DMXL1: variants seen among roughly 807,000 people sequenced by gnomAD.
DMXL1 encodes dmX-like protein 1.
In DMXL1, 99 loss-of-function variants were observed where a neutral mutation model predicts 319.2. The observed-to-expected ratio is 0.31, with a 90% confidence interval of 0.26 to 0.37. DMXL1 has a LOEUF of 0.37. Ranked by LOEUF, DMXL1 falls within the 10% of genes least tolerant of loss-of-function variation. The pLI, the probability that DMXL1 is intolerant of heterozygous loss-of-function variation, is 1.00. For missense variants in DMXL1, 3,745 were observed against 3,595.6 expected (o/e 1.04, Z -1.06); for synonymous variants, 1,385 against 1,235.2 (o/e 1.12, Z -2.54).
rs1031822286 is a variant in DMXL1 at position 119,144,484 on chromosome 5, A to G, written c.2467-52A>G. The G allele has an allele frequency of 1.8e-5, 23 of 1,244,768 alleles. No homozygotes were observed. In the East Asian group the frequency reaches 5.4e-4, roughly 29 times the overall value. 77.1% of individuals were successfully genotyped at this position (1,244,768 alleles called of 1,614,324 possible). A position where few individuals can be genotyped will look rare whatever the true frequency, so the allele number is the denominator to read the frequency against. ...AGTATTATTTTTCTGGCTATTTAGCATTAGGTAAATAACACATAGGTCAAC... is the reference window on the plus strand; with the variant it reads ...AGTATTATTTTTCTGGCTATTTAGCGTTAGGTAAATAACACATAGGTCAAC... On this transcript the variant is annotated intron_variant, in intron 14 of 43. Coordinates refer to ENST00000539542, the MANE Select transcript of DMXL1 (RefSeq NM_001290321.3).
intron 9 of DMXL1, among the ~76,000 whole-genome samples, chr5:119,123,919 AC>A (rs1183979584): frequency 1.3e-5 from 2 of 149,598 alleles, no homozygotes; most frequent in Non-Finnish European, 3.0e-5. Flanking sequence ...TTAATGTGAT[AC>A]TTAAATTTTT....
chr5:119,074,788 C>A (rs1337028346), intron 1 of DMXL1, among the ~76,000 whole-genome samples: 1 of 152,156 alleles, frequency 6.6e-6, no homozygotes, highest in African/African-American at 2.4e-5. Flanking sequence ...TGTATGACTT[C>A]CCACGCTTCA....
At chr5:119,129,125 A>T (rs1183490282) in intron 9 of DMXL1, 86 bp from the exon 10 acceptor site, 13 of 798,596 alleles carry the variant, frequency 1.6e-5, no homozygotes, top group Non-Finnish European at 2.0e-5. Context: ...CAAAATATAA[A>T]TGTAATAGTA....
Position 119,129,362 on chromosome 5 carries a change from A to G in DMXL1, c.1254A>G (p.Glu418=). ...VFLQQLRKSF[E]QPSSEASVED... The stretch of plus-strand genomic sequence containing the variant: ...TACAGCAACTTAGAAAAAGTTTTGA[A>G]CAACCATCTTCTGAGGCCAGTGTAG... Residue 418 remains glutamate, a synonymous_variant, in exon 10 of 44, where the codon GAA becomes GAG. Coordinates refer to ENST00000539542, the MANE Select transcript of DMXL1 (RefSeq NM_001290321.3). 6.2e-7 allele frequency: 1 copy of G among 1,613,896 alleles called. No homozygotes were observed. Among genetic ancestry groups the G allele is most frequent in the Non-Finnish European group, 8.5e-7 (1 of 1,179,900 alleles).
chr5:119,178,803 G>A (rs548788823), intron 28 of DMXL1: 62 of 266,318 alleles, frequency 2.3e-4, no homozygotes, highest in African/African-American at 9.9e-4. Context: ...AGAAAATTGA[G>A]AAGTTTCCTT....
chr5:119,119,493 G>A (rs1761558498), intron 8 of DMXL1, among the ~76,000 whole-genome samples: 1 of 151,820 alleles, frequency 6.6e-6, no homozygotes, highest in Admixed American at 6.6e-5. Context: ...GTAGCCTAAA[G>A]GCTGAGAAAC....
At chr5:119,092,132 CTT>C (rs987695899) in intron 1 of DMXL1, among the ~76,000 whole-genome samples, 6 of 152,114 alleles carry the variant, frequency 3.9e-5, no homozygotes, top group African/African-American at 1.4e-4. Flanking sequence ...GTGGAAGTCT[CTT>C]TGTCTTTTTT....
At chr5:119,187,388 G>A (rs1777926243) in intron 28 of DMXL1, among the ~76,000 whole-genome samples, 1 of 152,122 alleles carries the variant, frequency 6.6e-6, no homozygotes, top group Non-Finnish European at 1.5e-5. Context: ...ACAACCAGTT[G>A]AACACCCAGC....
intron 4 of DMXL1, among the ~76,000 whole-genome samples, chr5:119,109,821 G>A (rs1759174093): frequency 1.3e-5 from 2 of 152,186 alleles, no homozygotes; most frequent in East Asian, 3.9e-4. Flanking sequence ...ACTTCCACAT[G>A]GTATCATATT....
intron 25 of DMXL1, among the ~76,000 whole-genome samples, chr5:119,172,619 C>T (rs1016959505): frequency 5.9e-5 from 9 of 152,178 alleles, no homozygotes; most frequent in African/African-American, 1.7e-4. Flanking sequence ...CCAAAGCATC[C>T]TATTCATCAT....
chr5:119,073,310 CTTCAGCCTCCCAA>C (rs1750070328), intron 1 of DMXL1, among the ~76,000 whole-genome samples: 1 of 152,180 alleles, frequency 6.6e-6, no homozygotes, highest in African/African-American at 2.4e-5. Flanking sequence ...GATCCTCCCA[CTTCAGCCTCCCAA>C]AATGCTAGGA....
intron 19 of DMXL1, among the ~76,000 whole-genome samples, chr5:119,155,851 T>G (rs1770929151): frequency 7.1e-6 from 1 of 141,802 alleles, no homozygotes; most frequent in African/African-American, 2.6e-5. Context: ...AAAACAAAAC[T>G]TCAGCAGATG....
intron 1 of DMXL1, among the ~76,000 whole-genome samples, chr5:119,074,275 A>C (rs1437941823): frequency 6.6e-6 from 1 of 152,356 alleles, no homozygotes; most frequent in East Asian, 1.9e-4. Context: ...GGAAAATAGT[A>C]AACATTAATG....
intron 14 of DMXL1, among the ~76,000 whole-genome samples, chr5:119,144,254 TGAAAA>T (rs1262948610): frequency 6.6e-6 from 1 of 151,840 alleles, no homozygotes; most frequent in Non-Finnish European, 1.5e-5. Context: ...TGAAAATCAC[TGAAAA>T]GAAAACTAGG....
rs1173731494 is a variant in DMXL1, at chr5:119,221,011, A to G, written c.8207A>G (p.His2736Arg). The G allele has an allele frequency of 3.3e-5, 53 of 1,613,836 alleles. No homozygotes were observed. The highest frequency in any genetic ancestry group is 4.2e-5 in the Non-Finnish European group (50 of 1,179,900). The change falls in exon 37 of 44, where the codon CAT (histidine) becomes CGT (arginine). Residue 2736 changes from histidine to arginine, a missense_variant. Around this residue, in one of 4 missense-constraint regions of DMXL1, gnomAD observed 1,382 missense variants for 1,269.5 expected, o/e 1.09. Coordinates refer to ENST00000539542, the MANE Select transcript of DMXL1 (RefSeq NM_001290321.3). ...GTTCAAGGTACAACTCCATATACAC[A>G]TAGCAATCCTGGCACTCCAATCAAC... ...TAVQGTTPYT[H>R]SNPGTPINMP...
chr5:119,236,143 CT>C (rs1437013341), intron 39 of DMXL1, among the ~76,000 whole-genome samples: 2 of 152,036 alleles, frequency 1.3e-5, no homozygotes, highest in Non-Finnish European at 2.9e-5. Context: ...AGCCTTCTAC[CT>C]TCACTAATAA....
intron 1 of DMXL1, among the ~76,000 whole-genome samples, chr5:119,082,412 C>T (rs1022656912): frequency 3.3e-5 from 5 of 152,060 alleles, no homozygotes; most frequent in East Asian, 1.9e-4. Flanking sequence ...GTAGCTGGGA[C>T]GACAGGCATG....
Position 119,178,241 on chromosome 5 carries a change from C to T in DMXL1, c.7132C>T (p.Pro2378Ser), listed in dbSNP as rs776902727. Reference protein sequence around the residue: ...SKEQTHSKTLPVSSLVEEGEK... With the variant: ...SKEQTHSKTLSVSSLVEEGEK... ...AGAACAGACACATTCAAAAACTTTA[C>T]CTGGTGAGTTTAAAAAATTTTTTTA... The change falls in exon 28 of 44, where the codon CCT (proline) becomes TCT (serine). Residue 2378 changes from proline (P) to serine (S), a missense_variant. Around this residue, in one of 4 missense-constraint regions of DMXL1, gnomAD observed 1,382 missense variants for 1,269.5 expected, o/e 1.09. Transcript: ENST00000539542. 3 of 1,610,246 alleles carry T rather than the reference C, an allele frequency of 1.9e-6. No homozygotes were observed. Among genetic ancestry groups the T allele is most frequent in the East Asian group, 2.2e-5 (1 of 44,804 alleles).
At position 119,077,479 on chromosome 5, in the gene DMXL1, GTTTTTTTTTT is replaced by G. The variant is rs774672621; in HGVS notation, c.87+5840_87+5849del. Among the ~76,000 whole-genome samples, 17 of 70,214 alleles carry G rather than the reference GTTTTTTTTTT, an allele frequency of 2.4e-4. No homozygotes were observed. The Admixed American group carries it at 2.6e-3, about 11-fold the overall frequency. 46.1% of individuals were successfully genotyped at this position (70,214 alleles called of 152,430 possible). ...GTATTGTATTACATCTTCATCTTAG[GTTTTTTTTTT>G]TTTTTTTTTTTTTTTTAAGACAGGG... On this transcript the variant is annotated intron_variant, in intron 1 of 43. Transcript: ENST00000539542.
Sources: allele counts gnomAD v4.1 joint callset (sites outside exome capture counted in the v4.1 genomes callset), GRCh38; gene constraint gnomAD v4.1.1; regional missense constraint gnomAD v4.1.1; transcripts MANE v1.5; gene names NCBI Gene and HGNC (gene_info 2026-07-23, HGNC 2026-07-21).